FAM13A: variants seen among roughly 807,000 people sequenced by gnomAD.
The protein encoded by FAM13A is protein FAM13A.
FAM13A carries 76 observed loss-of-function variants against 129.6 expected under a neutral mutation model. That is an observed-to-expected ratio of 0.59 (90% CI 0.49 to 0.71). The LOEUF (loss-of-function observed/expected upper bound fraction) is 0.71, where lower values mean the gene tolerates loss of function less well. Ranked by LOEUF, FAM13A falls within the 30% of genes least tolerant of loss-of-function variation. FAM13A has a pLI of 0.00. For missense variants in FAM13A, 1,108 were observed against 1,249.3 expected, an observed-to-expected ratio of 0.89 and a Z score of 1.70; for synonymous variants, 443 against 449.9, an observed-to-expected ratio of 0.98 and a Z score of 0.20.
At chr4:88,803,434 T>G (rs1484223202) in intron 8 of FAM13A, among the ~76,000 whole-genome samples, 1 of 152,228 alleles carries the variant, frequency 6.6e-6, no homozygotes, top group Non-Finnish European at 1.5e-5. Flanking sequence ...TTTCTTGTAC[T>G]TTCATTCTGC....
At chr4:88,886,992 G>A (rs558358817) in intron 6 of FAM13A, among the ~76,000 whole-genome samples, 65 of 151,960 alleles carry the variant, frequency 4.3e-4, no homozygotes, top group Non-Finnish European at 9.0e-4. Context: ...AATGGCATTC[G>A]CAACAACCTG....
intron 1 of FAM13A, among the ~76,000 whole-genome samples, chr4:89,040,850 C>T (rs984303440): frequency 4.6e-5 from 7 of 152,168 alleles, no homozygotes; most frequent in African/African-American, 1.7e-4. Flanking sequence ...GAGGCAGACC[C>T]ACCCTCAGTC....
chr4:89,044,720 A>C (rs1050274516), intron 1 of FAM13A, among the ~76,000 whole-genome samples: 1 of 152,194 alleles, frequency 6.6e-6, no homozygotes, highest in Non-Finnish European at 1.5e-5. Flanking sequence ...AATATACATA[A>C]AATGGAATAT....
chr4:88,738,904 T>C, intron 20 of FAM13A, 126 bp downstream of exon 20: 1 of 668,310 alleles, frequency 1.5e-6, no homozygotes, highest in Non-Finnish European at 2.7e-6. Context: ...CCATGGATAG[T>C]AATGGCTGAT....
chr4:88,836,767 C>A (rs570437004), intron 7 of FAM13A, among the ~76,000 whole-genome samples: 1 of 152,088 alleles, frequency 6.6e-6, no homozygotes, highest in East Asian at 2.0e-4. Flanking sequence ...TGAGACCAGC[C>A]TGACCAACAT....
chr4:88,973,444 CTT>C (rs1392511263), intron 4 of FAM13A, among the ~76,000 whole-genome samples: 2 of 152,110 alleles, frequency 1.3e-5, no homozygotes, highest in African/African-American at 4.8e-5. Context: ...CTAATGAGCC[CTT>C]TAAATGCATT....
At chr4:88,847,761 C>T (rs921525309) in intron 7 of FAM13A, among the ~76,000 whole-genome samples, 4 of 152,078 alleles carry the variant, frequency 2.6e-5, no homozygotes, top group South Asian at 4.1e-4. Flanking sequence ...GGTGAAACCC[C>T]GTCTCTACTA....
intron 6 of FAM13A, among the ~76,000 whole-genome samples, chr4:88,868,728 C>T (rs1435225034): frequency 6.6e-6 from 1 of 152,166 alleles, no homozygotes; most frequent in Non-Finnish European, 1.5e-5. Context: ...ATGCCTCCCT[C>T]CCTTTGTACT....
chr4:88,769,656 A>G (rs113847493), intron 11 of FAM13A, among the ~76,000 whole-genome samples: 13,266 of 151,998 alleles, frequency 0.087, 1,011 homozygotes, highest in East Asian at 0.31. Context: ...ACATAGTGAA[A>G]CCCCATCTCT....
chr4:88,726,354 CAA>C lies in FAM13A; in HGVS notation c.*2177_*2178del, dbSNP rs1736469203. The C allele has an allele frequency of 6.7e-6, 1 of 148,790 alleles. No individual in the cohort carries two copies. Among genetic ancestry groups the C allele is most frequent in the South Asian group, 2.1e-4 (1 of 4,764 alleles). The allele number at this position is 148,790 out of a possible 1,614,324, so 9.2% of individuals were successfully genotyped here. A position where few individuals can be genotyped will look rare whatever the true frequency, so the allele number is the denominator to read the frequency against. On this transcript the variant is annotated 3_prime_UTR_variant, in exon 24 of 24. Coordinates refer to ENST00000264344, the MANE Select transcript of FAM13A (RefSeq NM_014883.4). The stretch of plus-strand genomic sequence containing the variant: ...AAAGGAAAACACAACATCTCATACA[CAA>C]TTTATTTTATATAACTTACTTGGTG...
Position 88,747,687 on chromosome 4 carries a change from T to C in FAM13A, c.2326A>G (p.Ile776Val), listed in dbSNP as rs766942664. 8.7e-6 allele frequency: 14 copies of C among 1,614,206 alleles called. No homozygotes were observed. The highest frequency in any genetic ancestry group is 2.2e-5 in the East Asian group (1 of 44,870). The change falls in exon 18 of 24, where the codon ATT (isoleucine) becomes GTT (valine). Residue 776 changes from isoleucine (I) to valine (V), a missense_variant. Transcript: ENST00000264344. ...CGCTTCTCCTGGAGCTTCCTCTGAA[T>C]AGATTCCAATGTGGCTTCAACACTG... Reference protein sequence around the residue: ...KPSVEATLESIQRKLQEKRAE... With the variant: ...KPSVEATLESVQRKLQEKRAE...
intron 5 of FAM13A, among the ~76,000 whole-genome samples, chr4:88,921,214 C>T (rs2148715926): frequency 6.6e-6 from 1 of 151,912 alleles, no homozygotes; most frequent in African/African-American, 2.4e-5. Flanking sequence ...CACAAAGATA[C>T]TCCTCGAGAA....
intron 9 of FAM13A, among the ~76,000 whole-genome samples, chr4:88,788,435 G>GA (rs1214743193): frequency 2.0e-5 from 3 of 152,006 alleles, no homozygotes; most frequent in Admixed American, 1.3e-4. Context: ...GATATTTTGG[G>GA]AAAAAACTCA....
In FAM13A at chr4:88,947,768, C is replaced by T. The variant is rs186791692; in HGVS notation, c.606-9527G>A. 8.6e-5 allele frequency among the ~76,000 whole-genome samples: 13 copies of T among 151,948 alleles called. No individual in the cohort carries two copies. The East Asian group carries it at 2.5e-3, about 29-fold the overall frequency. ...ATGAAGTACTGCCTGATAATAGAAT[C>T]CCAAATGCAGCTAACTGAGATCTTT... is the stretch of plus-strand genomic sequence containing the variant. On this transcript the variant is annotated intron_variant, in intron 4 of 23. Transcript: ENST00000264344.
At chr4:88,835,890 T>G (rs1165935372) in intron 7 of FAM13A, among the ~76,000 whole-genome samples, 3 of 152,100 alleles carry the variant, frequency 2.0e-5, no homozygotes, top group African/African-American at 4.8e-5. Flanking sequence ...GCCATGGACC[T>G]GTACCAGTCC....
At chr4:88,984,459 A>G (rs1312992845) in intron 4 of FAM13A, among the ~76,000 whole-genome samples, 1 of 152,146 alleles carries the variant, frequency 6.6e-6, no homozygotes, top group Non-Finnish European at 1.5e-5. Context: ...AGACAAATAA[A>G]TCAACTTAAA....
chr4:88,896,347 C>T (rs1159305329), intron 6 of FAM13A, among the ~76,000 whole-genome samples: 4 of 151,778 alleles, frequency 2.6e-5, no homozygotes, highest in Non-Finnish European at 5.9e-5. Context: ...GTGCAGCACA[C>T]CAGCGTGGCA....
chr4:88,781,867 C>T (rs570179910), intron 10 of FAM13A, among the ~76,000 whole-genome samples: 2 of 151,086 alleles, frequency 1.3e-5, no homozygotes, highest in South Asian at 2.1e-4. Flanking sequence ...GGAGGGATAG[C>T]ATTAGGAGAT....
chr4:88,862,975 T>G (rs1579008105), intron 6 of FAM13A, among the ~76,000 whole-genome samples: 1 of 149,912 alleles, frequency 6.7e-6, no homozygotes, highest in East Asian at 2.0e-4. Flanking sequence ...TTCCTTCATT[T>G]AGCCAAAGAA....
Sources: gnomAD v4.1 joint callset for allele counts (sites outside exome capture counted in the v4.1 genomes callset) on GRCh38, gnomAD v4.1.1 for gene constraint, MANE v1.5 for transcripts, NCBI Gene and HGNC (gene_info 2026-07-23, HGNC 2026-07-21) for gene names.